NINJ2: variants seen among roughly 807,000 people sequenced by gnomAD.
NINJ2 encodes ninjurin-2.
In NINJ2, 12 loss-of-function variants were observed where a neutral mutation model predicts 11.7. That is an observed-to-expected ratio of 1.02 (90% CI 0.66 to 1.66). The LOEUF (loss-of-function observed/expected upper bound fraction) is 1.66. Among genes scored for constraint, NINJ2 ranks in the 40% most tolerant of loss-of-function variants. The probability of loss-of-function intolerance (pLI) is 0.00; values close to 1 mark genes in which losing one functional copy is unlikely to be tolerated. For missense variants in NINJ2, 187 were observed against 181.8 expected (o/e 1.03, Z -0.16); for synonymous variants, 93 against 76.8 (o/e 1.21, Z -1.10).
At chr12:643,650 A>G (rs1048048541) in intron 1 of NINJ2, 6 of 988,034 alleles carry the variant, frequency 6.1e-6, no homozygotes, top group Non-Finnish European at 7.2e-6. Context: ...GCCAAAGCCA[A>G]CGTTTTGTTC....
chr12:587,306 G>A (rs1445690916), intron 1 of NINJ2, among the ~76,000 whole-genome samples: 1 of 152,226 alleles, frequency 6.6e-6, no homozygotes, highest in Non-Finnish European at 1.5e-5. Flanking sequence ...GGAACCCCTG[G>A]CAATGCAGAC....
At chr12:579,073 C>T (rs1947510362) in intron 1 of NINJ2, among the ~76,000 whole-genome samples, 1 of 152,224 alleles carries the variant, frequency 6.6e-6, no homozygotes, top group South Asian at 2.1e-4. Flanking sequence ...CAACATTCCA[C>T]ATAAGGGTGT....
At position 649,004 on chromosome 12, in the gene NINJ2, A is replaced by G. The variant is rs7314386; in HGVS notation, c.33+14324T>C. 5.6e-3 allele frequency among the ~76,000 whole-genome samples: 830 copies of G among 149,040 alleles called. 30 individuals are homozygous for G. The East Asian group carries it at 0.1, about 19-fold the overall frequency. Reference sequence around the variant, plus strand: ...TATCTATCTATCTATCTGTCTATCTATCTATCTATCTATCTATCTATCTAT... The same window carrying G: ...TATCTATCTATCTATCTGTCTATCTGTCTATCTATCTATCTATCTATCTAT... On this transcript the variant is annotated intron_variant, in intron 1 of 3. Transcript: ENST00000305108.
chr12:596,133 C>T (rs1186316569), intron 1 of NINJ2, among the ~76,000 whole-genome samples: 4 of 152,202 alleles, frequency 2.6e-5, no homozygotes, highest in African/African-American at 7.2e-5. Flanking sequence ...CTCTTCCATA[C>T]GATCCAGCAA....
At chr12:576,910 G>T (rs2535426) in intron 1 of NINJ2, among the ~76,000 whole-genome samples, 120,850 of 152,106 alleles carry the variant, frequency 0.79, 48,236 homozygotes, top group Middle Eastern at 0.83. Context: ...ATGCCCACTT[G>T]AGCTGTGAGG....
intron 1 of NINJ2, among the ~76,000 whole-genome samples, chr12:596,696 G>A (rs1209373517): frequency 6.6e-6 from 1 of 152,146 alleles, no homozygotes; most frequent in Non-Finnish European, 1.5e-5. Context: ...GTTGAAGCAG[G>A]GGCATCCCTG....
intron 1 of NINJ2, among the ~76,000 whole-genome samples, chr12:568,889 C>G (rs958929800): frequency 3.8e-5 from 4 of 104,338 alleles, no homozygotes; most frequent in Non-Finnish European, 7.6e-5. Context: ...CCCCCCCCCC[C>G]GCCCCCCGGG....
At position 580,540 on chromosome 12, in the gene NINJ2, TCACAC is replaced by T. The variant is rs1947532279; in HGVS notation, c.34-14367_34-14363del. ...AGGCAAAGGTTGCAGGGAGACAAGA[TCACAC>T]CACTGCACTCCAGCCTGCATGACAG... On this transcript the variant is annotated intron_variant, in intron 1 of 3. Transcript: ENST00000305108. The surrounding 1 kb of genome is among the most constrained non-coding windows in gnomAD (Gnocchi z 4.7). 2.0e-5 allele frequency among the ~76,000 whole-genome samples: 3 copies of T among 150,732 alleles called. No individual in the cohort carries two copies. Among genetic ancestry groups the T allele is most frequent in the Admixed American group, 1.3e-4 (2 of 15,106 alleles).
chr12:662,610 T>C, intron 1 of NINJ2, among the ~76,000 whole-genome samples: 1 of 152,170 alleles, frequency 6.6e-6, no homozygotes, highest in East Asian at 1.9e-4. Flanking sequence ...TCAGCAGTGG[T>C]CATAGAAGGG....
intron 1 of NINJ2, among the ~76,000 whole-genome samples, chr12:584,623 T>C (rs1230934068): frequency 2.0e-5 from 3 of 151,048 alleles, no homozygotes; most frequent in Non-Finnish European, 4.4e-5. Flanking sequence ...CTGGCCAACA[T>C]AGTGAAACCC....
intron 1 of NINJ2, among the ~76,000 whole-genome samples, chr12:567,375 A>G (rs1008408691): frequency 6.7e-6 from 1 of 148,394 alleles, no homozygotes. Flanking sequence ...AGTGATGCAT[A>G]CCAGTTAAAC....
At chr12:654,705 C>CA (rs148240664) in intron 1 of NINJ2, among the ~76,000 whole-genome samples, 46,178 of 151,176 alleles carry the variant, frequency 0.31, 7,247 homozygotes, top group Middle Eastern at 0.47. Flanking sequence ...ACAAGCCTGA[C>CA]CAACATGGAG....
Position 581,442 on chromosome 12 carries a change from C to T in NINJ2, c.34-15264G>A, listed in dbSNP as rs1232071879. Among the ~76,000 whole-genome samples, 1 of 152,152 alleles carries T rather than the reference C, an allele frequency of 6.6e-6. No individual in the cohort carries two copies. The highest frequency in any genetic ancestry group is 1.5e-5 in the Non-Finnish European group (1 of 68,026). On this transcript the variant is annotated intron_variant, in intron 1 of 3. Coordinates refer to ENST00000305108, the MANE Select transcript of NINJ2 (RefSeq NM_016533.6). The surrounding 1 kb of genome is among the most constrained non-coding windows in gnomAD (Gnocchi z 4.9). ...GCCAGCTTCAGCCAATCCAAGGAGG[C>T]CTGGGCCTGGAACCAGCCTGCCTGG... is the stretch of plus-strand genomic sequence containing the variant.
In NINJ2 at chr12:633,144, A is replaced by C. The variant is rs923979505; in HGVS notation, c.33+30184T>G. On this transcript the variant is annotated intron_variant, in intron 1 of 3. Transcript: ENST00000305108. This position sits in a 1 kb window ranked among gnomAD's most constrained non-coding sequence, Gnocchi z 4.3. Reference sequence around the variant, plus strand: ...AGAACTGAATCAATTCCTGCCCTCTAATCTATCTTGCATCCCTTCCTGAAC... The same window carrying C: ...AGAACTGAATCAATTCCTGCCCTCTCATCTATCTTGCATCCCTTCCTGAAC... Among the ~76,000 whole-genome samples, 2 of 151,958 alleles carry C rather than the reference A, an allele frequency of 1.3e-5. No homozygotes were observed. Among genetic ancestry groups the C allele is most frequent in the Non-Finnish European group, 2.9e-5 (2 of 68,002 alleles).
At chr12:603,581 G>C (rs962651658) in intron 1 of NINJ2, among the ~76,000 whole-genome samples, 2 of 152,118 alleles carry the variant, frequency 1.3e-5, no homozygotes, top group Non-Finnish European at 2.9e-5. Flanking sequence ...TTTTGCACAT[G>C]GTATGAGGTA....
At chr12:571,505 C>T (rs1259131780) in intron 1 of NINJ2, among the ~76,000 whole-genome samples, 1 of 152,232 alleles carries the variant, frequency 6.6e-6, no homozygotes, top group African/African-American at 2.4e-5. Context: ...CTGCCCGGCA[C>T]AGTCATTACC....
Position 580,597 on chromosome 12 carries a change from AAATATAT to A in NINJ2, c.34-14426_34-14420del, listed in dbSNP as rs1565622569. 8.2e-6 allele frequency among the ~76,000 whole-genome samples: 1 copy of A among 122,446 alleles called. No homozygotes were observed. The allele number at this position is 122,446 out of a possible 152,430, so 80.3% of individuals were successfully genotyped here. ...GAGAGACCCTGTCTCAAAAAAAAAA[AAATATAT>A]ATATATATATATCCATTTGTCATTC... On this transcript the variant is annotated intron_variant, in intron 1 of 3. Coordinates refer to ENST00000305108, the MANE Select transcript of NINJ2 (RefSeq NM_016533.6). This position sits in a 1 kb window ranked among gnomAD's most constrained non-coding sequence, Gnocchi z 4.7.
intron 1 of NINJ2, among the ~76,000 whole-genome samples, chr12:635,805 C>T (rs1384027626): frequency 1.3e-5 from 2 of 152,228 alleles, no homozygotes; most frequent in East Asian, 1.9e-4. Flanking sequence ...CCGGGCGCGG[C>T]GGTTCACGCC....
At chr12:604,335 G>A (rs1033222478) in intron 1 of NINJ2, among the ~76,000 whole-genome samples, 3 of 152,122 alleles carry the variant, frequency 2.0e-5, no homozygotes, top group African/African-American at 4.8e-5. Context: ...TGTCTTGGCC[G>A]AGCAATAGAG....
Sources: gnomAD v4.1 joint callset for allele counts (sites outside exome capture counted in the v4.1 genomes callset) on GRCh38, gnomAD v4.1.1 for gene constraint, Gnocchi (gnomAD v3.1) non-coding constraint, MANE v1.5 for transcripts, NCBI Gene and HGNC (gene_info 2026-07-23, HGNC 2026-07-21) for gene names.